The following ANKRD17 variants were observed in gnomAD, a reference collection of about 807,000 sequenced individuals.
The protein encoded by ANKRD17 is ankyrin repeat domain 17.
A neutral mutation model predicts 229.7 loss-of-function variants in ANKRD17; 19 were observed. That is an observed-to-expected ratio of 0.08 (90% CI 0.06 to 0.12). The LOEUF (loss-of-function observed/expected upper bound fraction) is 0.12. Ranked by LOEUF, ANKRD17 falls within the 10% of genes least tolerant of loss-of-function variation. The pLI, the probability that ANKRD17 is intolerant of heterozygous loss-of-function variation, is 1.00. For synonymous variants in ANKRD17, 1,112 were observed against 1,146.1 expected (o/e 0.97, Z 0.60); for missense variants, 2,176 against 3,176.8 (o/e 0.68, Z 7.57).
At chr4:73,135,754 G>A (rs893262302) in intron 15 of ANKRD17, among the ~76,000 whole-genome samples, 1 of 152,028 alleles carries the variant, frequency 6.6e-6, no homozygotes, top group Non-Finnish European at 1.5e-5. Context: ...TTAAAACACC[G>A]CCATACTGTT....
At chr4:73,248,213 G>C (rs975699758) in intron 1 of ANKRD17, among the ~76,000 whole-genome samples, 3 of 151,758 alleles carry the variant, frequency 2.0e-5, no homozygotes, top group African/African-American at 4.8e-5. Context: ...TAGAAAAATC[G>C]TACATACAGA....
rs1553933228 is a variant in ANKRD17, at chr4:73,191,341, A to ATATGTGTGTGTGTGTG, written c.394-13809_394-13808insCACACACACACACATA. Among the ~76,000 whole-genome samples, 202 of 125,268 alleles carry ATATGTGTGTGTGTGTG rather than the reference A, an allele frequency of 1.6e-3. 1 individual carries two copies. Among genetic ancestry groups the ATATGTGTGTGTGTGTG allele is most frequent in the East Asian group, 8.6e-3 (35 of 4,084 alleles). The allele number at this position is 125,268 out of a possible 152,430, so 82.2% of individuals were successfully genotyped here. A position where few individuals can be genotyped will look rare whatever the true frequency, so the allele number is the denominator to read the frequency against. On this transcript the variant is annotated intron_variant, in intron 1 of 33. Coordinates refer to ENST00000358602, the MANE Select transcript of ANKRD17 (RefSeq NM_032217.5). ...AATAGGCCCCTACCAAAAAATATAT[A>ATATGTGTGTGTGTGTG]TGTGTGTGTGTGTGTGTGTGTGTGT...
At chr4:73,078,161 A>G (rs1395301956) in intron 31 of ANKRD17, among the ~76,000 whole-genome samples, 2 of 152,020 alleles carry the variant, frequency 1.3e-5, no homozygotes, top group Admixed American at 6.6e-5. Context: ...GGCGGATCAC[A>G]AGGTCAGGAG....
At position 73,133,674 on chromosome 4, in the gene ANKRD17, G is replaced by A. The variant is rs1343083163; in HGVS notation, c.3234+1443C>T. On this transcript the variant is annotated intron_variant, in intron 16 of 33. Transcript: ENST00000358602. ...CTCCCAAAGTGCTGGGATTACAGGC[G>A]TGAGCCACCACGCCCGGCCATCTCG... Among the ~76,000 whole-genome samples, 9 of 152,098 alleles carry A rather than the reference G, an allele frequency of 5.9e-5. No individual in the cohort carries two copies. In the East Asian group the frequency reaches 9.7e-4, roughly 16 times the overall value.
intron 16 of ANKRD17, among the ~76,000 whole-genome samples, chr4:73,131,067 G>A (rs2148757548): frequency 6.6e-6 from 1 of 152,216 alleles, no homozygotes; most frequent in East Asian, 1.9e-4. Context: ...AATAAAAATA[G>A]TCCCAAATAA....
intron 1 of ANKRD17, among the ~76,000 whole-genome samples, chr4:73,252,923 A>G (rs2149286820): frequency 1.3e-5 from 2 of 152,270 alleles, no homozygotes; most frequent in African/African-American, 4.8e-5. Flanking sequence ...GGGGTGACCA[A>G]CTTGTCTTCA....
At chr4:73,189,903 GAATA>G (rs1422411117) in intron 1 of ANKRD17, among the ~76,000 whole-genome samples, 1 of 152,062 alleles carries the variant, frequency 6.6e-6, no homozygotes, top group Non-Finnish European at 1.5e-5. Context: ...GGTATCTGCT[GAATA>G]AATATTAAAA....
chr4:73,139,332 A>AT (rs1170965149), intron 15 of ANKRD17, among the ~76,000 whole-genome samples, 199 bp downstream of exon 15: 2 of 152,208 alleles, frequency 1.3e-5, no homozygotes, highest in African/African-American at 4.8e-5. Context: ...AGCTTCAGTC[A>AT]TTTGTACTGA....
intron 1 of ANKRD17, among the ~76,000 whole-genome samples, chr4:73,211,820 C>A (rs891326098): frequency 2.8e-5 from 4 of 143,444 alleles, no homozygotes; most frequent in Non-Finnish European, 6.0e-5. Flanking sequence ...GTACTCCAAC[C>A]TAGGCAACAA....
chr4:73,106,619 G>A (rs1321515071), intron 24 of ANKRD17, among the ~76,000 whole-genome samples: 5 of 152,106 alleles, frequency 3.3e-5, no homozygotes, highest in Non-Finnish European at 1.5e-5. Flanking sequence ...GGTGGCTCAC[G>A]CCTGTAATCC....
intron 17 of ANKRD17, 33 bp downstream of exon 17, chr4:73,125,168 T>C: frequency 6.3e-7 from 1 of 1,590,332 alleles, no homozygotes; most frequent in Non-Finnish European, 8.5e-7. Flanking sequence ...TTTTGACCAG[T>C]ATTCCAAAAA....
intron 7 of ANKRD17, 152 bp downstream of exon 7, chr4:73,151,278 G>GT: frequency 1.6e-6 from 1 of 626,658 alleles, no homozygotes. Context: ...GCTTCAGAAA[G>GT]TAACTTTAAT....
In ANKRD17 at chr4:73,138,320, C is replaced by G. The variant is rs548570526; in HGVS notation, c.3085+1211G>C. Among the ~76,000 whole-genome samples the G allele has an allele frequency of 5.4e-4, 82 of 152,050 alleles. 1 individual carries two copies. In the South Asian group the frequency reaches 0.016, roughly 29 times the overall value. Reference sequence around the variant, plus strand: ...CATTTTTCCAATGTGGTTATTTAACCCTTAAGACTAGCAGAAATTTTCATT... The same window carrying G: ...CATTTTTCCAATGTGGTTATTTAACGCTTAAGACTAGCAGAAATTTTCATT... On this transcript the variant is annotated intron_variant, in intron 15 of 33. Transcript: ENST00000358602.
rs777806571 is a variant in ANKRD17, at chr4:73,091,496, A to G, written c.6132T>C (p.Ser2044=). The G allele has an allele frequency of 6.2e-7, 1 of 1,614,184 alleles. No individual in the cohort carries two copies. The change falls in exon 29 of 34, where the codon TCT becomes TCC. Residue 2044 remains serine (S), a synonymous_variant. Transcript: ENST00000358602. ...CTGGCTGGGCTGGTGGTGATGGGGA[A>G]GATGGGGATGATACTGGATAGTGTT... ...AKEHYPVSSP[S]SPSPPAQPGG... is the part of the protein sequence containing the mutation.
chr4:73,088,252 A>G (rs1722407243), intron 29 of ANKRD17, among the ~76,000 whole-genome samples: 1 of 152,170 alleles, frequency 6.6e-6, no homozygotes. Flanking sequence ...AGTAGAGAGA[A>G]GTGAAAATTA....
At chr4:73,182,960 T>C (rs1735775920) in intron 1 of ANKRD17, among the ~76,000 whole-genome samples, 1 of 152,108 alleles carries the variant, frequency 6.6e-6, no homozygotes, top group Admixed American at 6.5e-5. Flanking sequence ...AATGTTCCCT[T>C]AGAAGAGAAA....
chr4:73,136,273 T>C (rs1728884851), intron 15 of ANKRD17, among the ~76,000 whole-genome samples: 1 of 152,144 alleles, frequency 6.6e-6, no homozygotes, highest in Non-Finnish European at 1.5e-5. Context: ...TGTGGATGTG[T>C]ATTACCAAAG....
At chr4:73,101,203 A>G in intron 25 of ANKRD17, 2 of 974,432 alleles carry the variant, frequency 2.1e-6, no homozygotes, top group Non-Finnish European at 2.4e-6. Context: ...GGATTACTAT[A>G]CTTCCATCCC....
intron 22 of ANKRD17, 99 bp downstream of exon 22, chr4:73,118,589 C>A: frequency 7.4e-7 from 1 of 1,343,554 alleles, no homozygotes. Context: ...TTCATCACAG[C>A]TGCAAAAGCA....
Sources: gnomAD v4.1 joint callset for allele counts (sites outside exome capture counted in the v4.1 genomes callset) on GRCh38, gnomAD v4.1.1 for gene constraint, MANE v1.5 for transcripts, NCBI Gene and HGNC (gene_info 2026-07-23, HGNC 2026-07-21) for gene names.